POSTN: variants seen among roughly 807,000 people sequenced by gnomAD.
The protein encoded by POSTN is osteoblast specific factor 2 (fasciclin I-like).
Under a neutral mutation model 104.5 loss-of-function variants are expected in POSTN, and 71 were observed. The ratio of observed to expected loss-of-function variants is 0.68; its 90% CI spans 0.56 to 0.83. The LOEUF is 0.83. Ranked by LOEUF, POSTN falls within the 40% of genes least tolerant of loss-of-function variation. The pLI is 0.00. For missense variants in POSTN, 949 were observed against 1,006.8 expected (o/e 0.94, Z 0.78); for synonymous variants, 355 against 340.7 (o/e 1.04, Z -0.46).
intron 21 of POSTN, among the ~76,000 whole-genome samples, chr13:37,566,063 G>GT (rs1950090250): frequency 6.6e-6 from 1 of 152,092 alleles, no homozygotes. Flanking sequence ...AATTAATGAG[G>GT]TTTTGCTGTG....
intron 16 of POSTN, among the ~76,000 whole-genome samples, chr13:37,576,561 ATAAAGAAGGGAAGC>A (rs914392789): frequency 1.3e-5 from 2 of 152,102 alleles, no homozygotes; most frequent in African/African-American, 4.8e-5. Flanking sequence ...ACTAAGATGG[ATAAAGAAGGGAAGC>A]TAAAGAAATG....
intron 2 of POSTN, among the ~76,000 whole-genome samples, chr13:37,592,691 TG>T (rs1433990032): frequency 2.0e-5 from 3 of 152,204 alleles, no homozygotes; most frequent in African/African-American, 7.2e-5. Context: ...GAACGACATT[TG>T]GGTCCTAGTT....
intron 21 of POSTN, among the ~76,000 whole-genome samples, chr13:37,567,961 A>G (rs1433996652): frequency 2.0e-5 from 3 of 152,102 alleles, no homozygotes; most frequent in Non-Finnish European, 4.4e-5. Flanking sequence ...TGATTCCCTA[A>G]AAAGCACTAC....
intron 21 of POSTN, chr13:37,565,438 TATC>T (rs1268489508): frequency 6.6e-6 from 1 of 152,022 alleles, no homozygotes; most frequent in African/African-American, 2.4e-5. Flanking sequence ...CTTTTATATG[TATC>T]ATCTATACTC....
chr13:37,570,815 C>A (rs2138183859), intron 18 of POSTN, 146 bp from the exon 19 acceptor site: 1 of 595,996 alleles, frequency 1.7e-6, no homozygotes. Flanking sequence ...ACATATCCCC[C>A]AAAAATCATA....
chr13:37,597,211 T>C lies in POSTN; in HGVS notation c.191A>G (p.Tyr64Cys), dbSNP rs1951110300. Residue 64 changes from tyrosine to cysteine, a missense_variant, in exon 2 of 23, where the codon TAT becomes TGT. By Grantham distance (194) the Tyr-to-Cys change is radical (BLOSUM62 -2). Coordinates refer to ENST00000379747, the MANE Select transcript of POSTN (RefSeq NM_006475.3). ...TTTCTGTCCACAGATGGACTTTTTATACCAGTTCTTACAAGTGCTGAAGTA... is the reference window on the plus strand; with the variant it reads ...TTTCTGTCCACAGATGGACTTTTTACACCAGTTCTTACAAGTGCTGAAGTA... The part of the protein sequence containing the change: ...KKYFSTCKNW[Y>C]KKSICGQKTT... The C allele has an allele frequency of 1.3e-6, 2 of 1,576,568 alleles. No individual in the cohort carries two copies. Among genetic ancestry groups the C allele is most frequent in the African/African-American group, 1.4e-5 (1 of 71,972 alleles).
intron 16 of POSTN, 27 bp downstream of exon 16, chr13:37,577,726 G>C (rs1950450883): frequency 1.9e-6 from 3 of 1,605,920 alleles, no homozygotes; most frequent in East Asian, 2.2e-5. Context: ...TTGCCACCCA[G>C]GTGGCCAATA....
intron 21 of POSTN, among the ~76,000 whole-genome samples, chr13:37,565,697 A>G (rs1189026350): frequency 6.6e-6 from 1 of 152,132 alleles, no homozygotes. Flanking sequence ...TTAATACTAG[A>G]GTAAAATATA....
intron 20 of POSTN, 72 bp downstream of exon 20, chr13:37,569,672 A>C: frequency 8.9e-7 from 1 of 1,129,016 alleles, no homozygotes; most frequent in Non-Finnish European, 1.3e-6. Context: ...GAAAACATGT[A>C]GAATGTTATT....
At chr13:37,576,696 C>G (rs1234950813) in intron 16 of POSTN, among the ~76,000 whole-genome samples, 2 of 152,006 alleles carry the variant, frequency 1.3e-5, no homozygotes, top group African/African-American at 2.4e-5. Context: ...GCTTAATTTT[C>G]AGAAAACATA....
At position 37,587,835 on chromosome 13, in the gene POSTN, T is replaced by C. The variant is rs774865724; in HGVS notation, c.593A>G (p.His198Arg). 9 of 1,598,468 alleles carry C rather than the reference T, an allele frequency of 5.6e-6. No individual in the cohort carries two copies. The highest frequency in any genetic ancestry group is 1.7e-5 in the Admixed American group (1 of 59,324). Residue 198 changes from histidine to arginine, a missense_variant, in exon 5 of 23, where the codon CAT (histidine) becomes CGT (arginine). Transcript: ENST00000379747. ...MYNNLGLFIN[H>R]YPNGVVTVNC... ...GATAAAACTTACCCCATTAGGATAA[T>C]GGTTAATGAAAAGCCCCAAATTGTT...
chr13:37,584,964 C>G, intron 7 of POSTN, 36 bp from the exon 8 acceptor site: 1 of 1,607,484 alleles, frequency 6.2e-7, no homozygotes, highest in Non-Finnish European at 8.5e-7. Context: ...GCTTTCAGAT[C>G]AAGGGAAATA....
intron 21 of POSTN, among the ~76,000 whole-genome samples, chr13:37,566,547 A>G (rs1339297606): frequency 1.3e-5 from 2 of 152,154 alleles, no homozygotes; most frequent in African/African-American, 4.8e-5. Flanking sequence ...CTTTCAGATG[A>G]AGGAAACAAG....
In POSTN at chr13:37,578,822, TAAATC is replaced by T. The variant is rs770541271; in HGVS notation, c.1962+17_1962+21del. The T allele has an allele frequency of 1.4e-5, 19 of 1,333,860 alleles. 1 individual carries two copies. In the South Asian group the frequency reaches 2.7e-4, roughly 19 times the overall value. 82.6% of individuals were successfully genotyped at this position (1,333,860 alleles called of 1,614,324 possible). A position where few individuals can be genotyped will look rare whatever the true frequency, so the allele number is the denominator to read the frequency against. The stretch of plus-strand genomic sequence containing the variant: ...TCAAAAAAAAAAAAAAAAAAAGAAA[TAAATC>T]AAGTAACTTTTAGTACCTTAATTTG... On this transcript the variant is annotated intron_variant, in intron 15 of 22. Coordinates refer to ENST00000379747, the MANE Select transcript of POSTN (RefSeq NM_006475.3).
At chr13:37,598,363 T>C (rs1951145692) in intron 1 of POSTN, among the ~76,000 whole-genome samples, 1 of 152,164 alleles carries the variant, frequency 6.6e-6, no homozygotes, top group Non-Finnish European at 1.5e-5. Flanking sequence ...TTAATTAGAT[T>C]AGAATTATAT....
chr13:37,579,094 A>G lies in POSTN; in HGVS notation c.1819T>C (p.Leu607=), dbSNP rs767789929. 3 of 1,613,116 alleles carry G rather than the reference A, an allele frequency of 1.9e-6. No homozygotes were observed. The highest frequency in any genetic ancestry group is 2.2e-5 in the East Asian group (1 of 44,728). ...EVNDTLLVNE[L]KSKESDIMTT... ...ATGATGTCAGATTCTTTTGATTTCA[A>G]TTCATTCACCAGAAGTGTATCATTT... Residue 607 remains leucine (L), a synonymous_variant, in exon 14 of 23, where the codon TTG becomes CTG. Coordinates refer to ENST00000379747, the MANE Select transcript of POSTN (RefSeq NM_006475.3).
intron 16 of POSTN, among the ~76,000 whole-genome samples, chr13:37,577,422 ATC>A (rs1239414667): frequency 3.9e-5 from 6 of 152,224 alleles, no homozygotes. Context: ...GTGTCCACAC[ATC>A]TGAATTTTTA....
In POSTN at chr13:37,579,848, C is replaced by A; in HGVS notation, c.1660+13G>T. ...AATGAAAGGGAAAATATCTGGAATT[C>A]ACTTCCACTTACGTATCAGAATTTC... On this transcript the variant is annotated intron_variant, in intron 12 of 22. Transcript: ENST00000379747. 1 of 1,605,534 alleles carries A rather than the reference C, an allele frequency of 6.2e-7. No individual in the cohort carries two copies. The highest frequency in any genetic ancestry group is 1.1e-5 in the South Asian group (1 of 89,422).
In POSTN at chr13:37,587,871, G is replaced by GGAAT; in HGVS notation, c.553_556dup (p.Pro186HisfsTer6). ...AAGCCCCAAATTGTTATACATTGAA[G>GGAAT]GAATAATCATGCCATTTTTTAAGTC... On this transcript the variant is annotated frameshift_variant, in exon 5 of 23. Coordinates refer to ENST00000379747, the MANE Select transcript of POSTN (RefSeq NM_006475.3). LOFTEE classifies it high-confidence loss of function. The GGAAT allele has an allele frequency of 6.2e-7, 1 of 1,605,450 alleles. No individual in the cohort carries two copies. Among genetic ancestry groups the GGAAT allele is most frequent in the Non-Finnish European group, 8.5e-7 (1 of 1,173,128 alleles).
Sources: gnomAD v4.1 joint callset for allele counts (sites outside exome capture counted in the v4.1 genomes callset) on GRCh38, gnomAD v4.1.1 for gene constraint, MANE v1.5 for transcripts, NCBI Gene and HGNC (gene_info 2026-07-23, HGNC 2026-07-21) for gene names.